CNTN5: variants seen among roughly 807,000 people sequenced by gnomAD.
CNTN5 encodes contactin 5.
In CNTN5, 77 loss-of-function variants were observed where a neutral mutation model predicts 129.1. The observed-to-expected ratio is 0.60, with a 90% CI of 0.50 to 0.72. CNTN5 has a LOEUF of 0.72. CNTN5 is among the 30% of genes least tolerant of loss of function. The probability of loss-of-function intolerance (pLI) is 0.00; values close to 1 mark genes in which losing one functional copy is unlikely to be tolerated. For synonymous variants in CNTN5, 509 were observed against 465.6 expected (o/e 1.09, Z -1.20); for missense variants, 1,478 against 1,328.8 (o/e 1.11, Z -1.75).
chr11:99,901,758 G>A (rs1411445972), intron 6 of CNTN5, among the ~76,000 whole-genome samples: 3 of 152,224 alleles, frequency 2.0e-5, no homozygotes, highest in Non-Finnish European at 4.4e-5. Flanking sequence ...GGAAAAAGCT[G>A]TGAATTAAAA....
chr11:99,568,614 G>A (rs138534320), intron 3 of CNTN5, among the ~76,000 whole-genome samples: 46 of 152,218 alleles, frequency 3.0e-4, no homozygotes, highest in African/African-American at 9.9e-4. Context: ...ACTCAAGCAA[G>A]CAGACATAAG....
Position 99,338,919 on chromosome 11 carries a change from G to GATATATATATATATAT in CNTN5, c.-71+13448_-71+13463dup, listed in dbSNP as rs10534485. ...ATTTTATGTATTTTGTTCATTCACA[G>GATATATATATATATAT]ATATATATATATATATATATATATA... On this transcript the variant is annotated intron_variant, in intron 2 of 24. Transcript: ENST00000524871. Among the ~76,000 whole-genome samples the GATATATATATATATAT allele has an allele frequency of 5.9e-3, 752 of 126,854 alleles. 5 individuals carry two copies. The highest frequency in any genetic ancestry group is 0.016 in the East Asian group (70 of 4,310). The allele number at this position is 126,854 out of a possible 152,430, so 83.2% of individuals were successfully genotyped here. A position where few individuals can be genotyped will look rare whatever the true frequency, so the allele number is the denominator to read the frequency against.
chr11:99,961,225 A>AAAAC (rs58737016), intron 8 of CNTN5, among the ~76,000 whole-genome samples: 1 of 151,110 alleles, frequency 6.6e-6, no homozygotes, highest in African/African-American at 2.4e-5. Flanking sequence ...AAAAAAAAAA[A>AAAAC]CAGTAGAATA....
intron 9 of CNTN5, among the ~76,000 whole-genome samples, chr11:100,011,847 G>C (rs1479971608): frequency 1.3e-5 from 2 of 152,000 alleles, no homozygotes; most frequent in Non-Finnish European, 2.9e-5. Context: ...GTCTCAAATG[G>C]CTGCTCTTGT....
At position 100,308,418 on chromosome 11, in the gene CNTN5, G is replaced by T. The variant is rs199571522; in HGVS notation, c.2680G>T (p.Val894Phe). The change falls in exon 21 of 25, where the codon GTT (valine) becomes TTT (phenylalanine). Residue 894 changes from valine (V) to phenylalanine (F), a missense_variant. Coordinates refer to ENST00000524871, the MANE Select transcript of CNTN5 (RefSeq NM_014361.4). ...ATSVSVSEIL[V>F]AWKHIKESLG... is the part of the protein sequence containing the mutation. The stretch of plus-strand genomic sequence containing the variant: ...AAGTGTGTCTGTGTCAGAGATTCTT[G>T]TTGCATGGAAACACATTAAAGAGAG... 6.2e-7 allele frequency: 1 copy of T among 1,611,014 alleles called. No individual in the cohort carries two copies.
intron 2 of CNTN5, among the ~76,000 whole-genome samples, chr11:99,449,274 A>G (rs1426741232): frequency 6.6e-6 from 1 of 152,202 alleles, no homozygotes. Context: ...TTCATGGATA[A>G]TGATCTTGAA....
At chr11:100,073,829 C>T (rs935297366) in intron 12 of CNTN5, among the ~76,000 whole-genome samples, 4 of 152,046 alleles carry the variant, frequency 2.6e-5, no homozygotes, top group African/African-American at 9.7e-5. Context: ...TGTCAGTTAG[C>T]CTTTTGCTCT....
At chr11:99,971,613 A>G (rs1185617418) in intron 8 of CNTN5, among the ~76,000 whole-genome samples, 1 of 151,750 alleles carries the variant, frequency 6.6e-6, no homozygotes, top group Non-Finnish European at 1.5e-5. Flanking sequence ...CCCTAACTCG[A>G]TCTCTAAAGA....
chr11:100,207,942 T>G (rs538231464), intron 15 of CNTN5, among the ~76,000 whole-genome samples: 32 of 152,310 alleles, frequency 2.1e-4, no homozygotes, highest in African/African-American at 6.3e-4. Flanking sequence ...GTTGCTAACT[T>G]TTTTTGGGTT....
intron 8 of CNTN5, among the ~76,000 whole-genome samples, chr11:99,999,670 G>A (rs1369241774): frequency 6.6e-6 from 1 of 152,116 alleles, no homozygotes. Context: ...TATACCCAAA[G>A]GACTATAAAT....
chr11:99,145,406 TGTTA>T (rs1259829408), intron 1 of CNTN5, among the ~76,000 whole-genome samples: 2 of 151,316 alleles, frequency 1.3e-5, no homozygotes, highest in South Asian at 2.1e-4. Context: ...GTGTCTATAG[TGTTA>T]GTTAGATAGG....
chr11:99,876,414 C>G (rs762019592), intron 6 of CNTN5, among the ~76,000 whole-genome samples: 2 of 152,136 alleles, frequency 1.3e-5, no homozygotes, highest in South Asian at 2.1e-4. Context: ...TAACTGTGTT[C>G]CCTTCCTACA....
intron 3 of CNTN5, among the ~76,000 whole-genome samples, chr11:99,680,648 A>C (rs1194690052): frequency 1.3e-5 from 2 of 151,986 alleles, no homozygotes; most frequent in African/African-American, 4.8e-5. Context: ...TGCCTATTAC[A>C]CAACATCCAT....
chr11:99,629,277 A>T, intron 3 of CNTN5, among the ~76,000 whole-genome samples: 1 of 152,066 alleles, frequency 6.6e-6, no homozygotes, highest in Non-Finnish European at 1.5e-5. Flanking sequence ...TTCAGATAAG[A>T]AATAACTAAT....
At chr11:100,034,049 C>T (rs1941857880) in intron 9 of CNTN5, among the ~76,000 whole-genome samples, 1 of 152,158 alleles carries the variant, frequency 6.6e-6, no homozygotes, top group South Asian at 2.1e-4. Context: ...ACTGTACTCT[C>T]TTACTGTTAA....
At chr11:99,995,635 C>T (rs1224182397) in intron 8 of CNTN5, among the ~76,000 whole-genome samples, 1 of 152,134 alleles carries the variant, frequency 6.6e-6, no homozygotes, top group African/African-American at 2.4e-5. Flanking sequence ...CAGAGAACTA[C>T]ATATGCACAA....
intron 2 of CNTN5, among the ~76,000 whole-genome samples, chr11:99,387,768 G>A (rs1399923673): frequency 6.6e-6 from 1 of 152,102 alleles, no homozygotes; most frequent in Non-Finnish European, 1.5e-5. Flanking sequence ...TGGGATATTT[G>A]TAGGTATATA....
chr11:100,065,624 C>G lies in CNTN5; in HGVS notation c.1162+4231C>G, dbSNP rs549678720. On this transcript the variant is annotated intron_variant, in intron 10 of 24. Transcript: ENST00000524871. ...GACCCATTAATAACAAATAGTAGAA[C>G]CAGAATCCAACTGAAACTGGCAGTG... Among the ~76,000 whole-genome samples, 30 of 151,992 alleles carry G rather than the reference C, an allele frequency of 2.0e-4. No individual in the cohort carries two copies. In the South Asian group the frequency reaches 6.0e-3, roughly 31 times the overall value.
chr11:99,783,971 A>T (rs1945414320), intron 3 of CNTN5, among the ~76,000 whole-genome samples: 1 of 144,106 alleles, frequency 6.9e-6, no homozygotes, highest in Non-Finnish European at 1.5e-5. Flanking sequence ...AAAGTATAAT[A>T]AAAAAAAAAG....
Sources: gnomAD v4.1 joint callset for allele counts (sites outside exome capture counted in the v4.1 genomes callset) on GRCh38, gnomAD v4.1.1 for gene constraint, MANE v1.5 for transcripts, NCBI Gene and HGNC (gene_info 2026-07-23, HGNC 2026-07-21) for gene names.